The following TMTC2 variants were observed in gnomAD, a reference collection of about 807,000 sequenced individuals.
TMTC2 encodes protein O-mannosyl-transferase TMTC2.
In TMTC2, 43 loss-of-function variants were observed where a neutral mutation model predicts 82.4. The ratio of observed to expected loss-of-function variants is 0.52; its 90% confidence interval spans 0.41 to 0.67. The LOEUF is 0.67. TMTC2 is among the 30% of genes least tolerant of loss of function. The pLI is 0.00. For synonymous variants in TMTC2, 408 were observed against 381.9 expected (o/e 1.07, Z -0.80); for missense variants, 919 against 1,012.4 (o/e 0.91, Z 1.25).
chr12:82,978,030 T>A (rs1878757982), intron 7 of TMTC2, among the ~76,000 whole-genome samples: 1 of 151,808 alleles, frequency 6.6e-6, no homozygotes, highest in Admixed American at 6.6e-5. Flanking sequence ...CATAAAAATT[T>A]GCCAGTGGCT....
intron 11 of TMTC2, among the ~76,000 whole-genome samples, chr12:83,110,813 A>G (rs1387125574): frequency 6.6e-6 from 1 of 152,156 alleles, no homozygotes; most frequent in African/African-American, 2.4e-5. Context: ...ACTCTCAGGG[A>G]TCTTGCCCTC....
chr12:82,892,664 T>C (rs1592605994), intron 2 of TMTC2, among the ~76,000 whole-genome samples: 1 of 152,226 alleles, frequency 6.6e-6, no homozygotes, highest in African/African-American at 2.4e-5. Flanking sequence ...TCTTCTTGCC[T>C]GATTACAGCT....
chr12:83,094,443 A>T (rs1182171042), intron 11 of TMTC2, among the ~76,000 whole-genome samples: 1 of 152,222 alleles, frequency 6.6e-6, no homozygotes, highest in East Asian at 1.9e-4. Flanking sequence ...AGGCTAAACC[A>T]TGCAAATCAG....
intron 2 of TMTC2, among the ~76,000 whole-genome samples, chr12:82,875,374 G>GCATATATATATATATATATATATA (rs1032944879): frequency 9.3e-5 from 14 of 150,728 alleles, no homozygotes; most frequent in African/African-American, 3.4e-4. Flanking sequence ...ATATATGTGT[G>GCATATATATATATATATATATATA]TATATATATA....
chr12:83,097,493 A>G (rs1239981297), intron 11 of TMTC2, among the ~76,000 whole-genome samples: 2 of 152,144 alleles, frequency 1.3e-5, no homozygotes, highest in African/African-American at 2.4e-5. Context: ...CAAACACACC[A>G]TGTATTCTTT....
At chr12:82,758,036 A>T (rs568981941) in intron 1 of TMTC2, among the ~76,000 whole-genome samples, 1 of 152,286 alleles carries the variant, frequency 6.6e-6, no homozygotes, top group South Asian at 2.1e-4. Context: ...AAGTTGTATG[A>T]AGTAAGATTT....
intron 4 of TMTC2, among the ~76,000 whole-genome samples, chr12:82,933,581 G>A (rs1036659135): frequency 3.9e-5 from 6 of 152,072 alleles, no homozygotes; most frequent in Non-Finnish European, 8.8e-5. Flanking sequence ...TGAGATAATA[G>A]CATGCATTAA....
chr12:82,814,593 AGT>A (rs1014028524), intron 1 of TMTC2, among the ~76,000 whole-genome samples: 36 of 152,312 alleles, frequency 2.4e-4, no homozygotes, highest in Admixed American at 1.6e-3. Flanking sequence ...AAAGGAAGCA[AGT>A]AGATAAGAGA....
chr12:82,745,993 G>C (rs1875671230), intron 1 of TMTC2, among the ~76,000 whole-genome samples: 1 of 152,144 alleles, frequency 6.6e-6, no homozygotes. Context: ...ACTCTTGAAG[G>C]TGCTGATCCT....
chr12:83,133,398 A>G lies in TMTC2; in HGVS notation c.*1009A>G, dbSNP rs1454398574. 6.6e-6 allele frequency: 1 copy of G among 152,132 alleles called. No homozygotes were observed. Among genetic ancestry groups the G allele is most frequent in the Non-Finnish European group, 1.5e-5 (1 of 68,026 alleles). The allele number at this position is 152,132 out of a possible 1,614,324, so 9.4% of individuals were successfully genotyped here. A position where few individuals can be genotyped will look rare whatever the true frequency, so the allele number is the denominator to read the frequency against. On this transcript the variant is annotated 3_prime_UTR_variant, in exon 12 of 12. Transcript: ENST00000321196. ...GCTTGCCAGTGATTTTGTGTTTTGG[A>G]AAGGGTAGGTATCGAATGTTAATCA...
At chr12:82,880,553 C>G (rs530134415) in intron 2 of TMTC2, among the ~76,000 whole-genome samples, 238 of 152,146 alleles carry the variant, frequency 1.6e-3, no homozygotes, top group Non-Finnish European at 2.9e-3. Context: ...GTCAGTTAAC[C>G]GGTCCCTTCC....
chr12:82,815,279 G>A (rs1868629392), intron 1 of TMTC2, among the ~76,000 whole-genome samples: 1 of 141,956 alleles, frequency 7.0e-6, no homozygotes, highest in Non-Finnish European at 1.5e-5. Flanking sequence ...CCATTCTTTT[G>A]CGCATTTATT....
chr12:83,055,623 T>C (rs549163590), intron 10 of TMTC2, among the ~76,000 whole-genome samples: 2 of 152,110 alleles, frequency 1.3e-5, no homozygotes, highest in South Asian at 4.1e-4. Context: ...TACATGAAGA[T>C]ACTTGATATC....
rs529539604 is a variant in TMTC2, at chr12:83,075,233, C to T, written c.2331+13402C>T. ...CACTCACAGTACTTGGGGTGTCTCC[C>T]AGGGCCTTCAGGAGCAGTCCACTTC... On this transcript the variant is annotated intron_variant, in intron 11 of 11. Coordinates refer to ENST00000321196, the MANE Select transcript of TMTC2 (RefSeq NM_152588.3). 8.1e-4 allele frequency among the ~76,000 whole-genome samples: 124 copies of T among 152,248 alleles called. 3 individuals carry two copies. In the South Asian group the frequency reaches 0.024, roughly 29 times the overall value.
At chr12:82,833,896 A>T (rs1156476400) in intron 1 of TMTC2, among the ~76,000 whole-genome samples, 1 of 152,206 alleles carries the variant, frequency 6.6e-6, no homozygotes, top group African/African-American at 2.4e-5. Context: ...GTACCAACAG[A>T]TGATAATTAC....
chr12:83,113,888 G>T (rs74673934), intron 11 of TMTC2, among the ~76,000 whole-genome samples: 5,519 of 152,178 alleles, frequency 0.036, 163 homozygotes, highest in Non-Finnish European at 0.054. Flanking sequence ...CAGAGCATTC[G>T]AAATACTTTC....
chr12:83,034,724 A>G (rs1881592731), intron 9 of TMTC2, among the ~76,000 whole-genome samples: 1 of 152,180 alleles, frequency 6.6e-6, no homozygotes, highest in Admixed American at 6.5e-5. Flanking sequence ...CCATTTTTGT[A>G]TCATCAATAT....
At chr12:83,043,476 C>T (rs1881970542) in intron 9 of TMTC2, among the ~76,000 whole-genome samples, 1 of 152,194 alleles carries the variant, frequency 6.6e-6, no homozygotes. Flanking sequence ...TCATCAGAAT[C>T]TTTGAAAAAG....
chr12:82,787,547 A>G (rs1326254731), intron 1 of TMTC2, among the ~76,000 whole-genome samples: 1 of 152,128 alleles, frequency 6.6e-6, no homozygotes, highest in East Asian at 1.9e-4. Context: ...GACCTAATTC[A>G]TTTTATGATG....
Sources: gnomAD v4.1 joint callset for allele counts (sites outside exome capture counted in the v4.1 genomes callset) on GRCh38, gnomAD v4.1.1 for gene constraint, MANE v1.5 for transcripts, NCBI Gene and HGNC (gene_info 2026-07-23, HGNC 2026-07-21) for gene names.